Variants in GGCX observed in about 807,000 individuals in gnomAD.
GGCX encodes the protein gamma-glutamyl carboxylase.
Under a neutral mutation model 88.5 loss-of-function variants are expected in GGCX, and 63 were observed. The observed-to-expected ratio is 0.71, with a 90% CI of 0.58 to 0.88. GGCX has a LOEUF of 0.88. Ranked by LOEUF, GGCX falls within the 40% of genes least tolerant of loss-of-function variation. The pLI is 0.00. For missense variants in GGCX, 805 were observed against 932.9 expected, an observed-to-expected ratio of 0.86 and a Z score of 1.79; for synonymous variants, 368 against 365.8, an observed-to-expected ratio of 1.01 and a Z score of -0.07.
At position 85,551,935 on chromosome 2, in the gene GGCX, A is replaced by G; in HGVS notation, c.1486T>C (p.Phe496Leu). 6.2e-7 allele frequency: 1 copy of G among 1,614,008 alleles called. No homozygotes were observed. Among genetic ancestry groups the G allele is most frequent in the African/African-American group, 1.3e-5 (1 of 75,028 alleles). ...GGTTGCACCCAGGATGTGCGCTGAAAGGGTGACCAAGCGGCCTGCACGATG... is the reference window on the plus strand; with the variant it reads ...GGTTGCACCCAGGATGTGCGCTGAAGGGGTGACCAAGCGGCCTGCACGATG... The part of the protein sequence containing the change: ...VDIVQAAWSP[F>L]QRTSWVQPLL... Residue 496 changes from phenylalanine to leucine, a missense_variant, in exon 11 of 15, where the codon TTT becomes CTT. Coordinates refer to ENST00000233838, the MANE Select transcript of GGCX (RefSeq NM_000821.7).
chr2:85,558,453 C>T lies in GGCX; in HGVS notation c.526G>A (p.Ala176Thr), dbSNP rs1692295433. The change falls in exon 4 of 15, where the codon GCA becomes ACA. Residue 176 changes from alanine to threonine, a missense_variant. Ala to Thr is a moderately conservative substitution (Grantham distance 58). Coordinates refer to ENST00000233838, the MANE Select transcript of GGCX (RefSeq NM_000821.7). ...LLAFQLTFMDANHYWSVDGLL... is the reference protein window; with the variant it reads ...LLAFQLTFMDTNHYWSVDGLL... ...CCTGACTCATACCAGTAGTGGTTTG[C>T]ATCCATGAATGTTAGCTGAAAGGCC... is the stretch of plus-strand genomic sequence containing the variant. 6.2e-7 allele frequency: 1 copy of T among 1,613,982 alleles called. No individual in the cohort carries two copies. The highest frequency in any genetic ancestry group is 2.2e-5 in the East Asian group (1 of 44,878).
At chr2:85,561,017 C>CG (rs1692424286) in intron 1 of GGCX, 32 bp from the exon 2 acceptor site, 1 of 1,566,656 alleles carries the variant, frequency 6.4e-7, no homozygotes, top group Non-Finnish European at 8.8e-7. Context: ...AATATGTGTG[C>CG]GGGGGTGGGC....
chr2:85,552,400 T>G lies in GGCX; in HGVS notation c.1439+16A>C, dbSNP rs1461870041. ...CTGTGCTTCATTTTTTCCCACTCTC[T>G]GCTCCCCTTGCCCACCTCTGCTGGA... On this transcript the variant is annotated intron_variant, in intron 10 of 14. Transcript: ENST00000233838. 4 of 1,611,796 alleles carry G rather than the reference T, an allele frequency of 2.5e-6. No individual in the cohort carries two copies. The East Asian group carries it at 8.9e-5, about 36-fold the overall frequency.
At chr2:85,559,839 C>T (rs573253760) in intron 2 of GGCX, among the ~76,000 whole-genome samples, 2 of 152,196 alleles carry the variant, frequency 1.3e-5, no homozygotes, top group Non-Finnish European at 2.9e-5. Context: ...GAAGAGGCTA[C>T]TCAGATCAGG....
chr2:85,551,101 T>C, intron 12 of GGCX, 29 bp from the exon 13 acceptor site: 1 of 1,609,490 alleles, frequency 6.2e-7, no homozygotes, highest in Non-Finnish European at 8.5e-7. Flanking sequence ...TGGATAAATT[T>C]CATCAGCTTT....
intron 9 of GGCX, 40 bp downstream of exon 9, chr2:85,552,899 G>T (rs751968513): frequency 6.2e-7 from 1 of 1,610,462 alleles, no homozygotes. Flanking sequence ...GCACAAGGGG[G>T]CTCTGAAGAA....
chr2:85,557,594 A>G (rs1692257162), intron 4 of GGCX, among the ~76,000 whole-genome samples: 1 of 152,058 alleles, frequency 6.6e-6, no homozygotes, highest in Non-Finnish European at 1.5e-5. Context: ...AGTTTTACCA[A>G]AGGGGTTTTG....
Position 85,546,435 on chromosome 2 carries a change from A to T in GGCX, c.*3499T>A, listed in dbSNP as rs1370397188. On this transcript the variant is annotated 3_prime_UTR_variant, in exon 15 of 15. Coordinates refer to ENST00000233838, the MANE Select transcript of GGCX (RefSeq NM_000821.7). Reference sequence around the variant, plus strand: ...GAGACTTAAAAAAAAAGCCGTGGAAATCTGGGTATGGTAGCTTACACCTGT... The same window carrying T: ...GAGACTTAAAAAAAAAGCCGTGGAATTCTGGGTATGGTAGCTTACACCTGT... 2 of 152,104 alleles carry T rather than the reference A, an allele frequency of 1.3e-5. No homozygotes were observed. The highest frequency in any genetic ancestry group is 2.9e-5 in the Non-Finnish European group (2 of 68,032). The allele number at this position is 152,104 out of a possible 1,614,324, so 9.4% of individuals were successfully genotyped here. A position where few individuals can be genotyped will look rare whatever the true frequency, so the allele number is the denominator to read the frequency against.
At position 85,549,848 on chromosome 2, in the gene GGCX, G is replaced by T; in HGVS notation, c.*86C>A. On this transcript the variant is annotated 3_prime_UTR_variant, in exon 15 of 15. Coordinates refer to ENST00000233838, the MANE Select transcript of GGCX (RefSeq NM_000821.7). ...CCCCAAAAAAAAAAAAAAAACTTTT[G>T]AGAATTTTTTTCAAATAAATGTCCA... The T allele has an allele frequency of 1.8e-4, 117 of 645,336 alleles. No individual in the cohort carries two copies. Among genetic ancestry groups the T allele is most frequent in the Middle Eastern group, 3.4e-4 (1 of 2,942 alleles). The allele number at this position is 645,336 out of a possible 1,614,324, so 40.0% of individuals were successfully genotyped here. A position where few individuals can be genotyped will look rare whatever the true frequency, so the allele number is the denominator to read the frequency against.
chr2:85,550,944 T>A lies in GGCX; in HGVS notation c.1869A>T (p.Glu623Asp), dbSNP rs777508211. 2 of 1,614,184 alleles carry A rather than the reference T, an allele frequency of 1.2e-6. No individual in the cohort carries two copies. The highest frequency in any genetic ancestry group is 1.1e-5 in the South Asian group (1 of 91,086). ...ACTCACCACTTCCATTCTCCACCTT[T>A]TCCTTTAATTCTTGCAGATATGCCA... ...QDLAYLQELK[E>D]KVENGSETGP... Residue 623 changes from glutamate to aspartate, a missense_variant, in exon 13 of 15, where the codon GAA becomes GAT. Glu to Asp is a conservative substitution (Grantham distance 45). This residue lies in a region of GGCX where 680 missense variants were observed against 763.7 expected (regional missense o/e 0.89). Transcript: ENST00000233838.
intron 4 of GGCX, among the ~76,000 whole-genome samples, chr2:85,557,665 G>C (rs2103981852): frequency 6.6e-6 from 1 of 152,146 alleles, no homozygotes; most frequent in African/African-American, 2.4e-5. Flanking sequence ...CCAGCACTTT[G>C]GGAGGCCGAG....
chr2:85,552,017 GCCACCCAC>G, intron 10 of GGCX, 36 bp from the exon 11 acceptor site: 3 of 1,517,336 alleles, frequency 2.0e-6, no homozygotes, highest in Non-Finnish European at 2.7e-6. Flanking sequence ...GGACATCACA[GCCACCCAC>G]CCACCAGAAC....
chr2:85,559,541 C>T (rs1197674909), intron 2 of GGCX, among the ~76,000 whole-genome samples: 5 of 152,014 alleles, frequency 3.3e-5, no homozygotes, highest in Admixed American at 6.6e-5. Flanking sequence ...GGAAAAACCC[C>T]GTCTCTACTT....
chr2:85,554,329 C>G, intron 6 of GGCX, 23 bp from the exon 7 acceptor site: 1 of 1,611,806 alleles, frequency 6.2e-7, no homozygotes, highest in South Asian at 1.1e-5. Flanking sequence ...GGAGAAAGTT[C>G]AAGCACCAGC....
rs752774576 is a variant in GGCX, at chr2:85,549,100, A to G, written c.*834T>C. ...TCCAATTATACTTTTAATTAAGAAA[A>G]CATGTTTTAAGCTGCATTATTTCAG... On this transcript the variant is annotated 3_prime_UTR_variant, in exon 15 of 15. Transcript: ENST00000233838. The G allele has an allele frequency of 6.6e-6, 1 of 152,210 alleles. No individual in the cohort carries two copies. The highest frequency in any genetic ancestry group is 2.4e-5 in the African/African-American group (1 of 41,460). 9.4% of individuals were successfully genotyped at this position (152,210 alleles called of 1,614,324 possible).
In GGCX at chr2:85,550,542, GT is replaced by G. The variant is rs377186328; in HGVS notation, c.2084+12del. 296 of 1,599,994 alleles carry G rather than the reference GT, an allele frequency of 1.9e-4. 3 individuals are homozygous for G. The East Asian group carries it at 2.6e-3, about 14-fold the overall frequency. ...ACATATGATGGCAATGACAAATATT[GT>G]TGTGAACTTACCTGCGGCGAAAGAC... On this transcript the variant is annotated intron_variant, in intron 14 of 14. Transcript: ENST00000233838.
chr2:85,553,657 T>G, intron 7 of GGCX, 160 bp from the exon 8 acceptor site: 1 of 687,464 alleles, frequency 1.5e-6, no homozygotes, highest in Non-Finnish European at 2.5e-6. Flanking sequence ...TGGAGTGCAG[T>G]GGCGTGATCT....
rs1035817880 is a variant in GGCX at position 85,546,558 on chromosome 2, A to G, written c.*3376T>C. ...GAAACCCCGTCTCTACCAAAAATAC[A>G]AAAAAGCTGGGTGTGGTGGCAGGTG... On this transcript the variant is annotated 3_prime_UTR_variant, in exon 15 of 15. Transcript: ENST00000233838. The G allele has an allele frequency of 6.6e-6, 1 of 151,756 alleles. No homozygotes were observed. Among genetic ancestry groups the G allele is most frequent in the Non-Finnish European group, 1.5e-5 (1 of 67,830 alleles). The allele number at this position is 151,756 out of a possible 1,614,324, so 9.4% of individuals were successfully genotyped here. A position where few individuals can be genotyped will look rare whatever the true frequency, so the allele number is the denominator to read the frequency against.
In GGCX at chr2:85,561,422, C is replaced by T; in HGVS notation, c.7G>A (p.Val3Met). The change falls in exon 1 of 15, where the codon GTG (valine) becomes ATG (methionine). Residue 3 changes from valine to methionine, a missense_variant. Physicochemically the swap from Val to Met is conservative, Grantham distance 21 (BLOSUM62 1). Around this residue, in one of 3 missense-constraint regions of GGCX, gnomAD observed 64 missense variants for 57.4 expected, o/e 1.12. Transcript: ENST00000233838. MA[V>M]SAGSARTSPS... ...GAGGTCCGCGCGGACCCGGCAGACA[C>T]CGCCATTGCTCTGCGGAGGAGGCAG... The T allele has an allele frequency of 1.9e-6, 3 of 1,573,298 alleles. 1 individual carries two copies. In the South Asian group the frequency reaches 3.5e-5, roughly 18 times the overall value.
Sources: allele counts gnomAD v4.1 joint callset (sites outside exome capture counted in the v4.1 genomes callset), GRCh38; gene constraint gnomAD v4.1.1; regional missense constraint gnomAD v4.1.1; transcripts MANE v1.5; gene names NCBI Gene and HGNC (gene_info 2026-07-23, HGNC 2026-07-21).